GSTO2: variants seen among roughly 807,000 people sequenced by gnomAD.
GSTO2 encodes the protein glutathione S-transferase omega 2, also known as glutathione S-transferase omega-2.
In GSTO2, 23 loss-of-function variants were observed where a neutral mutation model predicts 28.4. The observed-to-expected ratio is 0.81, with a 90% CI of 0.58 to 1.15. The LOEUF (loss-of-function observed/expected upper bound fraction) is 1.15, where lower values mean the gene tolerates loss of function less well. Among genes scored for constraint, GSTO2 ranks in the 50% most tolerant of loss-of-function variants. GSTO2 has a pLI of 0.00. For synonymous variants in GSTO2, 109 were observed against 111.0 expected (o/e 0.98, Z 0.11); for missense variants, 298 against 297.8 (o/e 1.00, Z 0.00).
At chr10:104,298,452 G>A (rs1473449091) in intron 6 of GSTO2, among the ~76,000 whole-genome samples, 1 of 152,168 alleles carries the variant, frequency 6.6e-6, no homozygotes, top group African/African-American at 2.4e-5. Context: ...CTCTTTGTCA[G>A]GATATTTAAA....
intron 5 of GSTO2, 88 bp downstream of exon 5, chr10:104,279,559 C>G: frequency 1.3e-6 from 1 of 793,712 alleles, no homozygotes; most frequent in Non-Finnish European, 2.1e-6. Flanking sequence ...CCAGCTTTCA[C>G]AGGCTTATTC....
Position 104,304,331 on chromosome 10 carries a change from A to G in GSTO2, c.*5047A>G, listed in dbSNP as rs1027840571. On this transcript the variant is annotated 3_prime_UTR_variant, in exon 7 of 7. Coordinates refer to ENST00000338595, the MANE Select transcript of GSTO2 (RefSeq NM_183239.2). The stretch of plus-strand genomic sequence containing the variant: ...GAAAATGCCATTTCCTCTACATACT[A>G]TTCTTCCTCAGAGCAGCCCTCTGTT... The G allele has an allele frequency of 3.3e-5, 5 of 151,954 alleles. No individual in the cohort carries two copies. The highest frequency in any genetic ancestry group is 1.9e-4 in the East Asian group (1 of 5,182). 9.4% of individuals were successfully genotyped at this position (151,954 alleles called of 1,614,324 possible). A position where few individuals can be genotyped will look rare whatever the true frequency, so the allele number is the denominator to read the frequency against.
At chr10:104,275,484 G>A (rs2011589909) in intron 3 of GSTO2, 150 bp downstream of exon 3, 1 of 661,314 alleles carries the variant, frequency 1.5e-6, no homozygotes, top group Non-Finnish European at 2.6e-6. Context: ...CAAAGGGCGA[G>A]CTTTTTTTTA....
chr10:104,270,577 C>G (rs567594641), intron 1 of GSTO2, among the ~76,000 whole-genome samples: 1 of 152,100 alleles, frequency 6.6e-6, no homozygotes, highest in Non-Finnish European at 1.5e-5. Context: ...AAAAGATAGC[C>G]TCATTTGACC....
intron 4 of GSTO2, 95 bp downstream of exon 4, chr10:104,278,211 T>G: frequency 1.1e-6 from 1 of 911,186 alleles, no homozygotes; most frequent in Non-Finnish European, 1.7e-6. Flanking sequence ...TTGGTGAAAC[T>G]GTTTTGTTTT....
At chr10:104,273,018 G>A (rs1310612009) in intron 1 of GSTO2, among the ~76,000 whole-genome samples, 2 of 152,072 alleles carry the variant, frequency 1.3e-5, no homozygotes, top group East Asian at 1.9e-4. Flanking sequence ...CCCTCTTATG[G>A]CCTTTTTTAG....
At chr10:104,271,199 C>A (rs1224316351) in intron 1 of GSTO2, among the ~76,000 whole-genome samples, 1 of 152,150 alleles carries the variant, frequency 6.6e-6, no homozygotes, top group Non-Finnish European at 1.5e-5. Context: ...GATTAAAAAC[C>A]ACATTACTGA....
intron 6 of GSTO2, among the ~76,000 whole-genome samples, chr10:104,298,076 G>A (rs541505283): frequency 2.4e-4 from 36 of 152,232 alleles, no homozygotes; most frequent in African/African-American, 8.2e-4. Flanking sequence ...CTCATTGCCC[G>A]GAGGAATCTT....
At chr10:104,270,057 A>C (rs2011313229) in intron 1 of GSTO2, among the ~76,000 whole-genome samples, 1 of 145,432 alleles carries the variant, frequency 6.9e-6, no homozygotes, top group South Asian at 2.1e-4. Context: ...TGTTCTGCCC[A>C]GGCCGGACTG....
chr10:104,282,376 A>G (rs1166402385), intron 5 of GSTO2, among the ~76,000 whole-genome samples: 2 of 151,826 alleles, frequency 1.3e-5, no homozygotes, highest in Non-Finnish European at 2.9e-5. Context: ...AACATGGCAA[A>G]CCTCCATCTC....
chr10:104,275,149 G>A, intron 2 of GSTO2, 77 bp from the exon 3 acceptor site: 1 of 1,539,876 alleles, frequency 6.5e-7, no homozygotes, highest in Non-Finnish European at 8.7e-7. Flanking sequence ...TTGGGATCTG[G>A]GCAAGTGAGC....
At position 104,294,057 on chromosome 10, in the gene GSTO2, C is replaced by T. The variant is rs138960468; in HGVS notation, c.469-3521C>T. Among the ~76,000 whole-genome samples the T allele has an allele frequency of 3.4e-3, 513 of 152,256 alleles. 2 individuals carry two copies. Among genetic ancestry groups the T allele is most frequent in the Non-Finnish European group, 5.7e-3 (385 of 68,022 alleles). On this transcript the variant is annotated intron_variant, in intron 5 of 6. Transcript: ENST00000338595. ...CCTCTCCCCTTTGGCTGCCAGGAAA[C>T]TCAAGAGTCAAATTCAAGGCTTTAT...
chr10:104,274,114 G>T (rs1335243071), intron 1 of GSTO2, among the ~76,000 whole-genome samples: 1 of 152,306 alleles, frequency 6.6e-6, no homozygotes, highest in African/African-American at 2.4e-5. Context: ...TGGGCTGTTG[G>T]CAATGTATCC....
intron 5 of GSTO2, 70 bp downstream of exon 5, chr10:104,279,541 C>T: frequency 1.0e-6 from 1 of 988,454 alleles, no homozygotes; most frequent in Admixed American, 1.9e-5. Context: ...AACCTGGTCA[C>T]TCTAACACCA....
intron 5 of GSTO2, among the ~76,000 whole-genome samples, chr10:104,294,509 T>C (rs2012935113): frequency 6.6e-6 from 1 of 152,188 alleles, no homozygotes; most frequent in Non-Finnish European, 1.5e-5. Flanking sequence ...GAAAGACAGC[T>C]TTTCTGTTGG....
At chr10:104,290,675 G>T (rs2012720545) in intron 5 of GSTO2, among the ~76,000 whole-genome samples, 1 of 152,134 alleles carries the variant, frequency 6.6e-6, no homozygotes, top group Admixed American at 6.5e-5. Flanking sequence ...TCACTTATTT[G>T]TGGAATCTAA....
At chr10:104,281,415 ACT>A (rs2012029969) in intron 5 of GSTO2, among the ~76,000 whole-genome samples, 2 of 152,042 alleles carry the variant, frequency 1.3e-5, no homozygotes, top group Admixed American at 6.6e-5. Context: ...GAAAAAAAAA[ACT>A]CTTTGAATTC....
chr10:104,276,962 G>T (rs1250092160), intron 3 of GSTO2, among the ~76,000 whole-genome samples: 1 of 152,028 alleles, frequency 6.6e-6, no homozygotes, highest in Non-Finnish European at 1.5e-5. Flanking sequence ...AATTAAAAAA[G>T]TTATTGCATG....
chr10:104,279,372 C>G lies in GSTO2; in HGVS notation c.369C>G (p.Val123=). The change falls in exon 5 of 7, where the codon GTC becomes GTG. Residue 123 remains valine (V), a splice_region_variant and synonymous_variant. Transcript: ENST00000338595. ...QKMLLELFCK[V]PHLTKECLVA... ...GAGAACCTGTGTCCTCTGATTAGGT[C>G]CCACATTTGACCAAGGAGTGCCTGG... 1.2e-6 allele frequency: 2 copies of G among 1,612,574 alleles called. No homozygotes were observed. The highest frequency in any genetic ancestry group is 1.7e-6 in the Non-Finnish European group (2 of 1,178,634).
Sources: allele counts gnomAD v4.1 joint callset (sites outside exome capture counted in the v4.1 genomes callset), GRCh38; gene constraint gnomAD v4.1.1; transcripts MANE v1.5; gene names NCBI Gene and HGNC (gene_info 2026-07-23, HGNC 2026-07-21).